MYOM1: variants seen among roughly 807,000 people sequenced by gnomAD.
The protein encoded by MYOM1 is myomesin-1.
A neutral mutation model predicts 205.3 loss-of-function variants in MYOM1; 164 were observed. The observed-to-expected ratio is 0.80, with a 90% CI of 0.70 to 0.91. The LOEUF is 0.91. Ranked by LOEUF, MYOM1 falls within the 40% of genes least tolerant of loss-of-function variation. The pLI is 0.00. For synonymous variants in MYOM1, 772 were observed against 789.4 expected (o/e 0.98, Z 0.37); for missense variants, 2,011 against 2,127.3 (o/e 0.95, Z 1.08).
the MYOM1 span, among the ~76,000 whole-genome samples, chr18:3,242,545 G>A: frequency 2.6e-5 from 4 of 152,114 alleles, no homozygotes; most frequent in African/African-American, 7.2e-5. Flanking sequence ...GTCTTGCTCT[G>A]TAGCCCAGGC....
intron 16 of MYOM1, among the ~76,000 whole-genome samples, 179 bp from the exon 17 acceptor site, chr18:3,131,675 C>T (rs966898071): frequency 3.3e-5 from 5 of 151,912 alleles, no homozygotes; most frequent in Non-Finnish European, 4.4e-5. Flanking sequence ...CTCCTGGCCT[C>T]GAGCCATCCT....
Position 3,079,279 on chromosome 18 carries a change from T to C in MYOM1, c.4548A>G (p.Leu1516=). 6.2e-7 allele frequency: 1 copy of C among 1,614,010 alleles called. No individual in the cohort carries two copies. Among genetic ancestry groups the C allele is most frequent in the Non-Finnish European group, 8.5e-7 (1 of 1,179,886 alleles). ...KTGVTGEQIW[L]QINEPTPNDK... is the part of the protein sequence containing the mutation. The stretch of plus-strand genomic sequence containing the variant: ...CATTCGGGGTGGGCTCGTTGATTTG[T>C]AGCCAGATCTGCTCTCCAGTGACCC... The change falls in exon 34 of 38, where the codon CTA becomes CTG. Residue 1516 remains leucine, a synonymous_variant. Transcript: ENST00000356443.
intron 20 of MYOM1, among the ~76,000 whole-genome samples, chr18:3,116,941 C>T (rs980144815): frequency 3.9e-5 from 6 of 152,182 alleles, no homozygotes; most frequent in Admixed American, 3.9e-4. Flanking sequence ...ACTGTAACCT[C>T]GAGCTCCTGG....
chr18:3,234,538 C>T, the MYOM1 span, among the ~76,000 whole-genome samples: 2 of 152,096 alleles, frequency 1.3e-5, no homozygotes, highest in Admixed American at 1.3e-4. Flanking sequence ...ATCTTTAGAC[C>T]CAAGAGATTC....
intron 4 of MYOM1, among the ~76,000 whole-genome samples, chr18:3,187,857 CTTTTTTTTTTTTT>C (rs763218658): frequency 1.6e-5 from 2 of 124,224 alleles, no homozygotes; most frequent in South Asian, 2.4e-4. Flanking sequence ...ATTTCTTTTT[CTTTTTTTTTTTTT>C]TTTTTTTGGC....
At chr18:3,226,870 G>C in the MYOM1 span, among the ~76,000 whole-genome samples, 2 of 152,184 alleles carry the variant, frequency 1.3e-5, no homozygotes, top group African/African-American at 4.8e-5. The surrounding 1 kb of genome is among the most constrained non-coding windows in gnomAD (Gnocchi z 4.6). Flanking sequence ...GAAAAAACAA[G>C]GGCTAGGAGT....
intron 21 of MYOM1, among the ~76,000 whole-genome samples, chr18:3,113,298 C>CTATATATATATATATA (rs70964105): frequency 1.4e-5 from 2 of 145,238 alleles, no homozygotes; most frequent in African/African-American, 5.3e-5. Flanking sequence ...GTGTTTGTGT[C>CTATATATATATATATA]TATATATATA....
intron 34 of MYOM1, among the ~76,000 whole-genome samples, chr18:3,078,339 C>A (rs1477552174): frequency 6.6e-6 from 1 of 151,936 alleles, no homozygotes. Context: ...ACCATGCCCA[C>A]CTGAGATTGT....
the MYOM1 span, among the ~76,000 whole-genome samples, chr18:3,230,960 C>A: frequency 6.6e-6 from 1 of 152,204 alleles, no homozygotes; most frequent in South Asian, 2.1e-4. Context: ...AGTGACACAG[C>A]TACTAAATAA....
At chr18:3,136,115 C>T (rs1195125530) in intron 14 of MYOM1, among the ~76,000 whole-genome samples, 4 of 113,604 alleles carry the variant, frequency 3.5e-5, no homozygotes, top group African/African-American at 1.5e-4. Context: ...TTTCACTTGG[C>T]TCTCCTTCTG....
intron 2 of MYOM1, 113 bp from the exon 3 acceptor site, chr18:3,194,071 A>G: frequency 9.7e-7 from 1 of 1,026,662 alleles, no homozygotes; most frequent in Non-Finnish European, 1.4e-6. Context: ...CTAGATCTCT[A>G]ATGTTACAAT....
intron 10 of MYOM1, among the ~76,000 whole-genome samples, chr18:3,158,793 T>C (rs1373134678): frequency 6.6e-6 from 1 of 152,090 alleles, no homozygotes. Flanking sequence ...TTTTTATTTT[T>C]TGTAGAGACA....
At chr18:3,132,028 TTATTA>T (rs990446360) in intron 16 of MYOM1, among the ~76,000 whole-genome samples, 1 of 127,618 alleles carries the variant, frequency 7.8e-6, no homozygotes, top group African/African-American at 2.7e-5. Flanking sequence ...AGTATTAATA[TTATTA>T]TATATATGTA....
intron 2 of MYOM1, among the ~76,000 whole-genome samples, chr18:3,214,690 G>A (rs1414672261): frequency 2.0e-5 from 3 of 152,292 alleles, no homozygotes; most frequent in African/African-American, 4.8e-5. Flanking sequence ...GGGCGTGGTG[G>A]TGCACGCCTG....
At chr18:3,139,517 C>G (rs2080019716) in intron 14 of MYOM1, among the ~76,000 whole-genome samples, 1 of 152,194 alleles carries the variant, frequency 6.6e-6, no homozygotes, top group African/African-American at 2.4e-5. Flanking sequence ...GGGTGCAGGG[C>G]ATCCTGGAAC....
intron 22 of MYOM1, among the ~76,000 whole-genome samples, chr18:3,108,782 G>A (rs12966205): frequency 0.65 from 99,192 of 151,770 alleles, 33,151 homozygotes; most frequent in East Asian, 0.76. Context: ...CTTGTGATCC[G>A]CCTGTCTTGG....
At chr18:3,158,248 T>C (rs1472759825) in intron 10 of MYOM1, among the ~76,000 whole-genome samples, 1 of 152,240 alleles carries the variant, frequency 6.6e-6, no homozygotes, top group Non-Finnish European at 1.5e-5. Context: ...CTGTTTTTTC[T>C]TGATATATTT....
intron 23 of MYOM1, among the ~76,000 whole-genome samples, chr18:3,101,365 C>T (rs978204304): frequency 3.3e-5 from 5 of 152,140 alleles, no homozygotes; most frequent in African/African-American, 1.2e-4. Flanking sequence ...TAAGCTTTTG[C>T]TATAAAGCAA....
intron 10 of MYOM1, among the ~76,000 whole-genome samples, chr18:3,162,441 AT>A (rs774499061): frequency 1.3e-5 from 2 of 152,188 alleles, no homozygotes; most frequent in East Asian, 3.8e-4. Context: ...GGAAACTCCA[AT>A]AAAGGGCTTG....
Sources: allele counts gnomAD v4.1 joint callset (sites outside exome capture counted in the v4.1 genomes callset), GRCh38; gene constraint gnomAD v4.1.1; non-coding constraint Gnocchi (gnomAD v3.1); transcripts MANE v1.5; gene names NCBI Gene and HGNC (gene_info 2026-07-23, HGNC 2026-07-21).